Variants in PDLIM2 observed in about 807,000 individuals in gnomAD.
The protein encoded by PDLIM2 is PDZ and LIM domain protein 2.
A neutral mutation model predicts 54.1 loss-of-function variants in PDLIM2; 51 were observed. The ratio of observed to expected loss-of-function variants is 0.94; its 90% CI spans 0.75 to 1.19. PDLIM2 has a LOEUF of 1.19. Ranked by LOEUF, PDLIM2 falls within the 50% of genes most tolerant of loss-of-function variation. PDLIM2 has a pLI of 0.00. For missense variants in PDLIM2, 912 were observed against 874.0 expected (o/e 1.04, Z -0.55); for synonymous variants, 398 against 385.6 (o/e 1.03, Z -0.38).
intron 6 of PDLIM2, among the ~76,000 whole-genome samples, chr8:22,586,774 A>G (rs1800393576): frequency 6.6e-6 from 1 of 152,118 alleles, no homozygotes; most frequent in South Asian, 2.1e-4. Context: ...TGTTGCCCCC[A>G]GTCCAGGAAA....
At position 22,583,565 on chromosome 8, in the gene PDLIM2, A is replaced by T. The variant is rs1378336777; in HGVS notation, c.996-1256A>T. 3.9e-5 allele frequency among the ~76,000 whole-genome samples: 6 copies of T among 152,292 alleles called. No homozygotes were observed. The East Asian group carries it at 1.2e-3, about 29-fold the overall frequency. On this transcript the variant is annotated intron_variant, in intron 3 of 9. Transcript: ENST00000308354. ...CGGATCACCTGAGGTCAGGAGTTCA[A>T]GACCAGCCTGGCCAATACGGCGAAA...
Position 22,583,854 on chromosome 8 carries a change from G to GGA in PDLIM2, c.996-967_996-966insGA, listed in dbSNP as rs1229021420. Among the ~76,000 whole-genome samples the GGA allele has an allele frequency of 3.8e-5, 3 of 79,118 alleles. No individual in the cohort carries two copies. The East Asian group carries it at 1.6e-3, about 42-fold the overall frequency. The allele number at this position is 79,118 out of a possible 152,430, so 51.9% of individuals were successfully genotyped here. On this transcript the variant is annotated intron_variant, in intron 3 of 9. Transcript: ENST00000308354. ...TCAGTGACAAAGTCCAGGCAAAATA[G>GGA]AAAAAAAAAAAAAAAAAAAAAAAAA...
intron 3 of PDLIM2, among the ~76,000 whole-genome samples, chr8:22,583,225 C>T (rs1185668105): frequency 6.6e-6 from 1 of 152,040 alleles, no homozygotes; most frequent in Non-Finnish European, 1.5e-5. Context: ...GAGGGCGTGC[C>T]CCTCTCGCTG....
At chr8:22,593,650 A>G in intron 9 of PDLIM2, 83 bp from the exon 9 acceptor site, 1 of 1,264,242 alleles carries the variant, frequency 7.9e-7, no homozygotes, top group Non-Finnish European at 1.1e-6. Context: ...TCCTGATGCT[A>G]CAGTGGGGAC....
At chr8:22,580,327 T>C in intron 1 of PDLIM2, 148 bp from the exon 1 acceptor site, 1 of 609,840 alleles carries the variant, frequency 1.6e-6, no homozygotes, top group East Asian at 4.1e-5. Context: ...GCCCCCTGCC[T>C]GGCAGCCTGG....
At chr8:22,579,391 G>A (rs1286846673) in exon 1 of PDLIM2, 1 of 1,502,156 alleles carries the variant, frequency 6.7e-7, no homozygotes, top group Non-Finnish European at 8.8e-7. Flanking sequence ...CGGCCGGAGC[G>A]CTCCTCCTCC....
At chr8:22,596,420 GCT>G (rs2117377507), downstream of PDLIM2, 1 of 152,350 alleles carries the variant, frequency 6.6e-6, no homozygotes, top group East Asian at 1.9e-4. Flanking sequence ...AATCAGCCCG[GCT>G]CGGGAGCAAA....
downstream of PDLIM2, chr8:22,595,108 C>CT (rs1177239477): frequency 4.5e-5 from 7 of 156,600 alleles, no homozygotes; most frequent in South Asian, 1.1e-3. Context: ...CCTCAGCTCT[C>CT]TTTTCAGAGA....
exon 5 of PDLIM2, chr8:22,585,096 C>A: frequency 6.2e-7 from 1 of 1,613,974 alleles, no homozygotes; most frequent in South Asian, 1.1e-5. Flanking sequence ...AGCCCGAGGG[C>A]CGGCAGCCCC....
downstream of PDLIM2, chr8:22,597,275 C>G (rs1208686106): frequency 6.6e-6 from 1 of 152,342 alleles, no homozygotes. Flanking sequence ...TTCCTTCAAG[C>G]ATCACTCAGA....
downstream of PDLIM2, chr8:22,594,726 C>A: frequency 2.0e-6 from 3 of 1,522,376 alleles, no homozygotes; most frequent in Non-Finnish European, 2.6e-6. Context: ...CCGACACCTT[C>A]CACTTCTTTC....
intron 3 of PDLIM2, among the ~76,000 whole-genome samples, chr8:22,582,194 G>A (rs576070810): frequency 1.3e-5 from 2 of 152,338 alleles, no homozygotes; most frequent in African/African-American, 4.8e-5. Flanking sequence ...AGAGCCCTCT[G>A]CACGGGCCTA....
At chr8:22,581,120 C>T in intron 2 of PDLIM2, 1 of 675,766 alleles carries the variant, frequency 1.5e-6, no homozygotes, top group Non-Finnish European at 2.8e-6. Context: ...AAAAGTATTT[C>T]CAAGCACAGT....
At chr8:22,585,266 T>G in intron 5 of PDLIM2, 55 bp from the exon 5 acceptor site, 1 of 1,602,984 alleles carries the variant, frequency 6.2e-7, no homozygotes, top group South Asian at 1.1e-5. Context: ...GGCAGCATCC[T>G]CCCTGGGCAG....
chr8:22,594,955 G>A (rs750859902), downstream of PDLIM2: 3 of 259,956 alleles, frequency 1.2e-5, no homozygotes, highest in East Asian at 1.0e-4. Flanking sequence ...ATGAATGCAT[G>A]TGGCCAGTGC....
intron 6 of PDLIM2, chr8:22,589,082 G>C: frequency 1.7e-6 from 1 of 589,812 alleles, no homozygotes; most frequent in Admixed American, 3.0e-5. Flanking sequence ...CAGTCTCTGC[G>C]CCCTGGCTCC....
rs151326096 is a variant in PDLIM2 at position 22,584,952 on chromosome 8, C to T, written c.1065+62C>T. 1,230 of 1,613,624 alleles carry T rather than the reference C, an allele frequency of 7.6e-4. 5 individuals carry two copies. The African/African-American group carries it at 0.015, about 19-fold the overall frequency. Reference sequence around the variant, plus strand: ...TGATCACTGGTGCATGAAAGTGAGGCCCGAGGGCAGGGCGGCCTTGGCGGG... The same window carrying T: ...TGATCACTGGTGCATGAAAGTGAGGTCCGAGGGCAGGGCGGCCTTGGCGGG... On this transcript the variant is annotated intron_variant, in intron 4 of 9. Coordinates refer to ENST00000308354, the Ensembl canonical transcript of PDLIM2.
Position 22,594,260 on chromosome 8 carries a change from A to G in PDLIM2, c.*350A>G, listed in dbSNP as rs997293026. ...GGTGTCACTGTGTAAAGTTTTTGAC[A>G]TACTAGCTCTATAAATATATGAATA... is the stretch of plus-strand genomic sequence containing the variant. On this transcript the variant is annotated 3_prime_UTR_variant, in exon 10 of 10. Coordinates refer to ENST00000308354, the Ensembl canonical transcript of PDLIM2. 10 of 1,393,244 alleles carry G rather than the reference A, an allele frequency of 7.2e-6. No individual in the cohort carries two copies. In the African/African-American group the frequency reaches 1.3e-4, roughly 18 times the overall value. 86.3% of individuals were successfully genotyped at this position (1,393,244 alleles called of 1,614,324 possible). A position where few individuals can be genotyped will look rare whatever the true frequency, so the allele number is the denominator to read the frequency against.
At chr8:22,589,912 ACGG>A in intron 8 of PDLIM2, 171 bp downstream of exon 7, 7 of 888,264 alleles carry the variant, frequency 7.9e-6, no homozygotes, top group Middle Eastern at 2.7e-4. Flanking sequence ...TAAGGAGCTG[ACGG>A]TCCGGGAGGG....
Sources: gnomAD v4.1 joint callset for allele counts (sites outside exome capture counted in the v4.1 genomes callset) on GRCh38, gnomAD v4.1.1 for gene constraint, MANE v1.5 for transcripts, NCBI Gene and HGNC (gene_info 2026-07-23, HGNC 2026-07-21) for gene names.